CR2: variants seen among roughly 807,000 people sequenced by gnomAD.
CR2 encodes complement receptor type 2.
CR2 carries 96 observed loss-of-function variants against 123.0 expected under a neutral mutation model. That is an observed-to-expected ratio of 0.78 (90% confidence interval 0.66 to 0.93). The LOEUF (loss-of-function observed/expected upper bound fraction) is 0.93, where lower values mean the gene tolerates loss of function less well. Among genes scored for constraint, CR2 ranks in the 40% least tolerant of loss-of-function variants. CR2 has a pLI of 0.00. For missense variants in CR2, 1,258 were observed against 1,361.0 expected (o/e 0.92, Z 1.19); for synonymous variants, 484 against 469.5 (o/e 1.03, Z -0.40).
chr1:207,473,980 C>A, intron 12 of CR2, 95 bp downstream of exon 12: 2 of 1,151,582 alleles, frequency 1.7e-6, no homozygotes, highest in Non-Finnish European at 2.6e-6. Flanking sequence ...CCTTTAGAGG[C>A]TCCTCATTGT....
chr1:207,465,411 A>G (rs1001063925), intron 1 of CR2, among the ~76,000 whole-genome samples: 1 of 15,900 alleles, frequency 6.3e-5, no homozygotes, highest in African/African-American at 1.4e-4. Flanking sequence ...TTTCATACAT[A>G]TATATATATA....
chr1:207,488,494 C>T (rs1441422262), intron 19 of CR2, among the ~76,000 whole-genome samples: 1 of 152,052 alleles, frequency 6.6e-6, no homozygotes, highest in Non-Finnish European at 1.5e-5. Flanking sequence ...TTTGATGGCA[C>T]GTGCCTGTAA....
At chr1:207,482,477 G>C (rs1326602728) in intron 18 of CR2, among the ~76,000 whole-genome samples, 1 of 151,992 alleles carries the variant, frequency 6.6e-6, no homozygotes, top group Non-Finnish European at 1.5e-5. Context: ...TGCGAAAAGA[G>C]GAATGACCAC....
intron 18 of CR2, 107 bp from the exon 19 acceptor site, chr1:207,485,357 A>G (rs1658720020): frequency 2.7e-6 from 2 of 731,674 alleles, no homozygotes; most frequent in Non-Finnish European, 4.9e-6. Flanking sequence ...GAAATCATCC[A>G]CAAAAGTACT....
intron 18 of CR2, among the ~76,000 whole-genome samples, chr1:207,483,751 G>A (rs967795011): frequency 6.6e-6 from 1 of 152,080 alleles, no homozygotes; most frequent in Non-Finnish European, 1.5e-5. Context: ...GGATTTGTGG[G>A]GGAAGATGAG....
Position 207,480,056 on chromosome 1 carries a change from A to G in CR2, c.3188+3A>G. On this transcript the variant is annotated splice_donor_region_variant and intron_variant, in intron 18 of 19. Transcript: ENST00000367057. ...GTGATATCAAAACACAGAGCACGGT[A>G]AGTTCAAAGGCGAATACTTGATTGA... 6.2e-7 allele frequency: 1 copy of G among 1,605,814 alleles called. No homozygotes were observed.
intron 1 of CR2, among the ~76,000 whole-genome samples, chr1:207,455,852 C>T (rs1405526556): frequency 1.3e-5 from 2 of 152,172 alleles, no homozygotes; most frequent in African/African-American, 2.4e-5. Flanking sequence ...TTAACTGGAG[C>T]CCCATGAAAT....
rs1476943489 is a variant in CR2 at position 207,468,915 on chromosome 1, A to G, written c.734+16A>G. Reference sequence around the variant, plus strand: ...GTGATGAAGGGTGAGTGTCAGGATTATTTATGAGATTTAATTCATTTGTCT... The same window carrying G: ...GTGATGAAGGGTGAGTGTCAGGATTGTTTATGAGATTTAATTCATTTGTCT... On this transcript the variant is annotated intron_variant, in intron 4 of 19. Transcript: ENST00000367057. 6 of 1,609,946 alleles carry G rather than the reference A, an allele frequency of 3.7e-6. No homozygotes were observed. The African/African-American group carries it at 5.3e-5, about 14-fold the overall frequency.
At chr1:207,459,756 C>A (rs563881989) in intron 1 of CR2, among the ~76,000 whole-genome samples, 3 of 152,166 alleles carry the variant, frequency 2.0e-5, no homozygotes, top group Non-Finnish European at 4.4e-5. Context: ...GGTCCAGTGA[C>A]CCTCAAGAAA....
Position 207,472,174 on chromosome 1 carries a change from G to T in CR2, c.1571-598G>T, listed in dbSNP as rs545924764. 3.9e-5 allele frequency among the ~76,000 whole-genome samples: 6 copies of T among 152,080 alleles called. No individual in the cohort carries two copies. The East Asian group carries it at 5.8e-4, about 15-fold the overall frequency. ...TGAGGCAGGAGAATCACTTGAACCC[G>T]GGAGGCGGAGATTGCAGTGAGCTGA... On this transcript the variant is annotated intron_variant, in intron 9 of 19. Transcript: ENST00000367057.
rs773093972 is a variant in CR2 at position 207,473,021 on chromosome 1, T to C, written c.1820T>C (p.Ile607Thr). 1 of 1,613,908 alleles carries C rather than the reference T, an allele frequency of 6.2e-7. No individual in the cohort carries two copies. The highest frequency in any genetic ancestry group is 1.3e-5 in the African/African-American group (1 of 74,898). Residue 607 changes from isoleucine (I) to threonine (T), a missense_variant, in exon 10 of 20, where the codon ATT becomes ACT. Transcript: ENST00000367057. Reference protein sequence around the residue: ...LLAVQCSHVHIANGYKISGKE... With the variant: ...LLAVQCSHVHTANGYKISGKE... ...GCTGTCCAGTGCTCACATGTCCATA[T>C]TGCAAATGGATACAAGATATCTGGC...
chr1:207,478,798 A>G lies in CR2; in HGVS notation c.3089-459A>G, dbSNP rs905951070. ...GTTAAATAAATAGTTGTTACAGTTA[A>G]TATTTGCATTCTAACCTGAGAAATC... On this transcript the variant is annotated intron_variant, in intron 16 of 19. Transcript: ENST00000367057. 4.6e-5 allele frequency among the ~76,000 whole-genome samples: 7 copies of G among 151,976 alleles called. No individual in the cohort carries two copies. The East Asian group carries it at 7.7e-4, about 17-fold the overall frequency.
rs142206860 is a variant in CR2, at chr1:207,468,680, C to T, written c.599C>T (p.Ser200Leu). Residue 200 changes from serine (S) to leucine (L), a missense_variant, in exon 3 of 20, where the codon TCG becomes TTG. Ser to Leu is a moderately radical substitution (Grantham distance 145, BLOSUM62 -2). Transcript: ENST00000367057. Reference protein sequence around the residue: ...VGEKIINCLSSGKWSAVPPTC... With the variant: ...VGEKIINCLSLGKWSAVPPTC... ...GAAAAGATCATTAACTGTTTGTCTT[C>T]GGGAAAATGGAGTGCTGTCCCCCCC... 7.7e-5 allele frequency: 125 copies of T among 1,614,008 alleles called. No individual in the cohort carries two copies. In the East Asian group the frequency reaches 1.4e-3, roughly 18 times the overall value.
At position 207,475,097 on chromosome 1, in the gene CR2, C is replaced by T. The variant is rs1558194214; in HGVS notation, c.2597C>T (p.Ser866Phe). 3 of 1,612,250 alleles carry T rather than the reference C, an allele frequency of 1.9e-6. No individual in the cohort carries two copies. Among genetic ancestry groups the T allele is most frequent in the Non-Finnish European group, 2.5e-6 (3 of 1,178,870 alleles). ...YKLNKTHSAYSHNDIVYVDCN... is the reference protein window; with the variant it reads ...YKLNKTHSAYFHNDIVYVDCN... ...CTCAATAAAACACATTCTGCATATT[C>T]CCACAATGACATAGTGTATGTTGAC... Residue 866 changes from serine to phenylalanine, a missense_variant, in exon 14 of 20, where the codon TCC becomes TTC. Ser to Phe is a radical substitution (Grantham distance 155, BLOSUM62 -2). Transcript: ENST00000367057.
intron 1 of CR2, among the ~76,000 whole-genome samples, chr1:207,455,633 T>C (rs751476801): frequency 1.3e-5 from 2 of 152,232 alleles, no homozygotes; most frequent in Non-Finnish European, 2.9e-5. Context: ...CCCTTAAACC[T>C]TTCTCCAGAC....
At chr1:207,467,493 A>C (rs938109735) in intron 2 of CR2, among the ~76,000 whole-genome samples, 5 of 152,210 alleles carry the variant, frequency 3.3e-5, no homozygotes, top group Admixed American at 3.3e-4. Context: ...GGTTTGGTTT[A>C]TGTTGCTGCT....
In CR2 at chr1:207,466,892, G is replaced by C; in HGVS notation, c.425G>C (p.Arg142Pro). 1 of 1,602,074 alleles carries C rather than the reference G, an allele frequency of 6.2e-7. No homozygotes were observed. Among genetic ancestry groups the C allele is most frequent in the South Asian group, 1.1e-5 (1 of 88,970 alleles). Residue 142 changes from arginine to proline, a missense_variant, in exon 2 of 20, where the codon CGA becomes CCA. Coordinates refer to ENST00000367057, the MANE Select transcript of CR2 (RefSeq NM_001006658.3). ...GCAAATAATATGTGGGGGCCGACAC[G>C]ACTACCAACCTGTGTAAGTGGTGAG... ...CQANNMWGPT[R>P]LPTCVSVFPL... is the part of the protein sequence containing the mutation.
In CR2 at chr1:207,454,742, T is replaced by C; in HGVS notation, c.58+266T>C. The C allele has an allele frequency of 2.5e-6, 1 of 398,642 alleles. No individual in the cohort carries two copies. Among genetic ancestry groups the C allele is most frequent in the Non-Finnish European group, 4.5e-6 (1 of 223,176 alleles). The allele number at this position is 398,642 out of a possible 1,614,324, so 24.7% of individuals were successfully genotyped here. A position where few individuals can be genotyped will look rare whatever the true frequency, so the allele number is the denominator to read the frequency against. On this transcript the variant is annotated intron_variant, in intron 1 of 19. Coordinates refer to ENST00000367057, the MANE Select transcript of CR2 (RefSeq NM_001006658.3). The surrounding 1 kb of genome is among the most constrained non-coding windows in gnomAD (Gnocchi z 4.3). ...GGTCGGCCCGGTGTGGCTGGCGGCG[T>C]GCGGGTGCTCGCGGTCTCCTGCCGG... is the stretch of plus-strand genomic sequence containing the variant.
At position 207,469,162 on chromosome 1, in the gene CR2, A is replaced by C; in HGVS notation, c.747A>C (p.Gln249His). The part of the protein sequence containing the change: ...NFFCDEGYRL[Q>H]GPPSSRCVIA... ...CTTCTGTCTCCAGGTATCGACTGCA[A>C]GGCCCACCTTCTAGTCGGTGTGTAA... Residue 249 changes from glutamine (Q) to histidine (H), a missense_variant, in exon 5 of 20, where the codon CAA becomes CAC. By Grantham distance (24) the Gln-to-His change is conservative. Coordinates refer to ENST00000367057, the MANE Select transcript of CR2 (RefSeq NM_001006658.3). 1 of 1,613,970 alleles carries C rather than the reference A, an allele frequency of 6.2e-7. No homozygotes were observed. The highest frequency in any genetic ancestry group is 8.5e-7 in the Non-Finnish European group (1 of 1,179,840).
Sources: allele counts gnomAD v4.1 joint callset (sites outside exome capture counted in the v4.1 genomes callset), GRCh38; gene constraint gnomAD v4.1.1; non-coding constraint Gnocchi (gnomAD v3.1); transcripts MANE v1.5; gene names NCBI Gene and HGNC (gene_info 2026-07-23, HGNC 2026-07-21).